CALN1: variants seen among roughly 807,000 people sequenced by gnomAD.
The protein encoded by CALN1 is calcium-binding protein 8.
CALN1 carries 17 observed loss-of-function variants against 30.6 expected under a neutral mutation model. The ratio of observed to expected loss-of-function variants is 0.56; its 90% CI spans 0.38 to 0.83. The LOEUF (loss-of-function observed/expected upper bound fraction) is 0.83. CALN1 is among the 40% of genes least tolerant of loss of function. The pLI is 0.00. For missense variants in CALN1, 291 were observed against 354.9 expected (o/e 0.82, Z 1.45); for synonymous variants, 156 against 131.4 (o/e 1.19, Z -1.28).
intron 3 of CALN1, among the ~76,000 whole-genome samples, chr7:72,244,117 T>C (rs893858571): frequency 6.6e-6 from 1 of 152,204 alleles, no homozygotes; most frequent in Non-Finnish European, 1.5e-5. Flanking sequence ...GTACAATGCA[T>C]GGGCTGACCC....
chr7:72,338,047 C>T (rs1177672989), intron 2 of CALN1, among the ~76,000 whole-genome samples: 2 of 152,116 alleles, frequency 1.3e-5, no homozygotes, highest in Non-Finnish European at 1.5e-5. Flanking sequence ...CAAGAACTGA[C>T]GGAATACACA....
the CALN1 span, among the ~76,000 whole-genome samples, chr7:72,493,384 G>A: frequency 6.6e-6 from 1 of 151,632 alleles, no homozygotes; most frequent in Admixed American, 6.6e-5. Context: ...TGTCACCCGG[G>A]CTGGAGTGCA....
At chr7:72,135,678 C>T (rs1809460449) in intron 3 of CALN1, among the ~76,000 whole-genome samples, 1 of 152,142 alleles carries the variant, frequency 6.6e-6, no homozygotes, top group African/African-American at 2.4e-5. Flanking sequence ...TCTGAAGGTC[C>T]TTAAGATTTG....
chr7:72,257,031 G>C (rs1795958375), intron 3 of CALN1, among the ~76,000 whole-genome samples: 1 of 152,160 alleles, frequency 6.6e-6, no homozygotes, highest in African/African-American at 2.4e-5. Context: ...AAGAAAATAG[G>C]TTTAATTGAC....
chr7:72,008,381 T>A (rs1432269991), intron 5 of CALN1, among the ~76,000 whole-genome samples: 3 of 150,768 alleles, frequency 2.0e-5, no homozygotes, highest in Non-Finnish European at 4.4e-5. Context: ...ATGGTAAAGC[T>A]ATACGAAGAA....
At chr7:72,026,484 G>T (rs1048225726) in intron 4 of CALN1, among the ~76,000 whole-genome samples, 1 of 152,044 alleles carries the variant, frequency 6.6e-6, no homozygotes, top group African/African-American at 2.4e-5. Context: ...GATTCGGGAG[G>T]CTGAGGCAGG....
At chr7:72,347,547 TG>T (rs1450311178) in intron 2 of CALN1, among the ~76,000 whole-genome samples, 1 of 152,012 alleles carries the variant, frequency 6.6e-6, no homozygotes, top group Non-Finnish European at 1.5e-5. Flanking sequence ...GTTACAGGGG[TG>T]AGCCACCAAG....
At chr7:71,884,768 C>T (rs1192924447) in intron 5 of CALN1, among the ~76,000 whole-genome samples, 1 of 152,094 alleles carries the variant, frequency 6.6e-6, no homozygotes, top group Non-Finnish European at 1.5e-5. Flanking sequence ...TATTTTACCC[C>T]GAAACCTGTT....
chr7:71,815,671 G>C (rs1410988290), intron 5 of CALN1, among the ~76,000 whole-genome samples: 2 of 152,056 alleles, frequency 1.3e-5, no homozygotes, highest in African/African-American at 4.8e-5. Flanking sequence ...GAGGAAGGAA[G>C]TTTTAGACTC....
At chr7:72,324,187 G>C (rs902236770) in intron 2 of CALN1, among the ~76,000 whole-genome samples, 2 of 152,106 alleles carry the variant, frequency 1.3e-5, no homozygotes, top group Non-Finnish European at 2.9e-5. Context: ...GATGTGATTA[G>C]AGCATTGGAA....
At chr7:72,104,317 AGGGACAGGGGGATTGGGAGGTGATGG>A in intron 4 of CALN1, 1 of 152,246 alleles carries the variant, frequency 6.6e-6, no homozygotes, top group Non-Finnish European at 1.5e-5. Flanking sequence ...TAGGGCTTGC[AGGGACAGGGGGATTGGGAGGTGATGG>A]CTAAGAGATG....
intron 5 of CALN1, among the ~76,000 whole-genome samples, chr7:71,934,444 T>C (rs1007624798): frequency 6.6e-6 from 1 of 152,200 alleles, no homozygotes; most frequent in Non-Finnish European, 1.5e-5. Context: ...TGTACAAGCA[T>C]GGTGCCTGTA....
intron 2 of CALN1, among the ~76,000 whole-genome samples, chr7:72,356,835 T>G (rs1803261561): frequency 6.6e-6 from 1 of 152,030 alleles, no homozygotes; most frequent in African/African-American, 2.4e-5. Context: ...AGTCTGGGCA[T>G]GTTGAAACGG....
intron 5 of CALN1, among the ~76,000 whole-genome samples, chr7:71,978,613 C>A (rs1310358032): frequency 6.6e-6 from 1 of 152,148 alleles, no homozygotes; most frequent in Non-Finnish European, 1.5e-5. Context: ...AGGGCAGGGG[C>A]AGCGCCAGCT....
intron 3 of CALN1, among the ~76,000 whole-genome samples, chr7:72,207,642 G>C (rs1265276644): frequency 6.6e-6 from 1 of 151,986 alleles, no homozygotes; most frequent in African/African-American, 2.4e-5. Context: ...TGTCTCCCCT[G>C]CCAAAAATAT....
At chr7:72,323,317 C>T (rs1004759963) in intron 2 of CALN1, among the ~76,000 whole-genome samples, 2 of 152,100 alleles carry the variant, frequency 1.3e-5, no homozygotes, top group Non-Finnish European at 2.9e-5. Context: ...GGAAGCCCTT[C>T]GTGTGAAGCT....
chr7:71,981,839 A>AC (rs1203686392), intron 5 of CALN1, among the ~76,000 whole-genome samples: 1 of 151,526 alleles, frequency 6.6e-6, no homozygotes, highest in Admixed American at 6.6e-5. Context: ...TGGGAGGAAA[A>AC]CCCCTGCGCA....
chr7:72,415,552 A>G (rs990774989), upstream of CALN1, among the ~76,000 whole-genome samples: 1 of 152,250 alleles, frequency 6.6e-6, no homozygotes, highest in East Asian at 1.9e-4. Context: ...AACAACTTCT[A>G]AGTTTCAAAA....
At chr7:72,377,764 C>CT (rs1804655818) in intron 2 of CALN1, among the ~76,000 whole-genome samples, 1 of 152,068 alleles carries the variant, frequency 6.6e-6, no homozygotes, top group Non-Finnish European at 1.5e-5. Context: ...CAGAAGAGCT[C>CT]TGTTAGGTTT....
Sources: gnomAD v4.1 joint callset for allele counts (sites outside exome capture counted in the v4.1 genomes callset) on GRCh38, gnomAD v4.1.1 for gene constraint, MANE v1.5 for transcripts, NCBI Gene and HGNC (gene_info 2026-07-23, HGNC 2026-07-21) for gene names.